Variants in TAF15 observed in about 807,000 individuals in gnomAD.
TAF15 encodes the protein TATA-box binding protein associated factor 15, also known as TATA-binding protein-associated factor 2N.
Under a neutral mutation model 102.5 loss-of-function variants are expected in TAF15, and 37 were observed. That is an observed-to-expected ratio of 0.36 (90% CI 0.28 to 0.47). The LOEUF (loss-of-function observed/expected upper bound fraction) is 0.47. Among genes scored for constraint, TAF15 ranks in the 20% least tolerant of loss-of-function variants. TAF15 has a pLI of 0.99. For missense variants in TAF15, 652 were observed against 760.7 expected, an observed-to-expected ratio of 0.86 and a Z score of 1.68; for synonymous variants, 273 against 259.2, an observed-to-expected ratio of 1.05 and a Z score of -0.51.
chr17:35,812,739 A>G (rs1444559768), intron 1 of TAF15, among the ~76,000 whole-genome samples: 1 of 152,186 alleles, frequency 6.6e-6, no homozygotes, highest in East Asian at 1.9e-4. Flanking sequence ...ATGAGAGTCA[A>G]TGACAAATAG....
At chr17:35,814,711 G>T (rs1465456899) in intron 1 of TAF15, among the ~76,000 whole-genome samples, 1 of 151,812 alleles carries the variant, frequency 6.6e-6, no homozygotes, top group Non-Finnish European at 1.5e-5. Flanking sequence ...AAACTAGCCG[G>T]GCAAGGTGGT....
intron 15 of TAF15, among the ~76,000 whole-genome samples, chr17:35,846,082 A>G (rs2087620315): frequency 6.6e-6 from 1 of 152,250 alleles, no homozygotes. Context: ...AATGATAGAA[A>G]GTAACTTCAA....
At chr17:35,824,331 A>T (rs2087300241) in intron 7 of TAF15, 133 bp downstream of exon 7, 9 of 1,179,838 alleles carry the variant, frequency 7.6e-6, no homozygotes, top group African/African-American at 1.6e-5. Context: ...TATATTGGAG[A>T]AAAAGGCAGA....
chr17:35,814,269 C>T (rs1391456548), intron 1 of TAF15, among the ~76,000 whole-genome samples: 1 of 151,814 alleles, frequency 6.6e-6, no homozygotes, highest in Non-Finnish European at 1.5e-5. Context: ...GGGTTCACGC[C>T]ATTCTCCTGC....
chr17:35,839,138 G>A (rs1427661168), intron 11 of TAF15, among the ~76,000 whole-genome samples: 1 of 149,578 alleles, frequency 6.7e-6, no homozygotes, highest in African/African-American at 2.5e-5. Flanking sequence ...TAAATAACCT[G>A]GACGTGGTGG....
intron 10 of TAF15, among the ~76,000 whole-genome samples, chr17:35,837,984 T>A (rs2143813266): frequency 6.6e-6 from 1 of 151,314 alleles, no homozygotes; most frequent in South Asian, 2.1e-4. Flanking sequence ...GGCCAAGGGT[T>A]TGAGACCAGC....
At chr17:35,836,301 G>C in intron 10 of TAF15, 60 bp downstream of exon 10, 2 of 1,230,828 alleles carry the variant, frequency 1.6e-6, no homozygotes, top group Admixed American at 1.7e-5. Context: ...ACAATACATA[G>C]ACTATGTAGT....
intron 7 of TAF15, chr17:35,833,691 T>C (rs2087434964): frequency 8.8e-6 from 5 of 565,106 alleles, no homozygotes; most frequent in South Asian, 8.7e-5. Context: ...AGATATGTAA[T>C]AAGCTTGAAA....
At chr17:35,840,320 C>T (rs1374835493) in intron 11 of TAF15, among the ~76,000 whole-genome samples, 4 of 143,712 alleles carry the variant, frequency 2.8e-5, no homozygotes, top group African/African-American at 1.0e-4. Flanking sequence ...GGCGCAATCT[C>T]GGCTCACTTG....
intron 1 of TAF15, chr17:35,817,144 G>T (rs1396106151): frequency 1.3e-5 from 2 of 152,182 alleles, no homozygotes; most frequent in African/African-American, 4.9e-5. Context: ...CTACAAGCAG[G>T]TATTGCTGAC....
chr17:35,820,845 A>G (rs970893055), intron 5 of TAF15, among the ~76,000 whole-genome samples: 2 of 152,170 alleles, frequency 1.3e-5, no homozygotes, highest in African/African-American at 4.8e-5. Context: ...ACTTACGCAT[A>G]TATCAGATAC....
Position 35,847,122 on chromosome 17 carries a change from C to T in TAF15, c.*177C>T, listed in dbSNP as rs2087633189. 2.8e-6 allele frequency: 2 copies of T among 707,096 alleles called. No homozygotes were observed. The highest frequency in any genetic ancestry group is 4.8e-6 in the Non-Finnish European group (2 of 412,612). The allele number at this position is 707,096 out of a possible 1,614,324, so 43.8% of individuals were successfully genotyped here. On this transcript the variant is annotated 3_prime_UTR_variant, in exon 16 of 16. Coordinates refer to ENST00000605844, the MANE Select transcript of TAF15 (RefSeq NM_139215.3). ...TTCTAGAAATGTCTGTTGAGATTTC[C>T]CCCTTTAGTTTCCAACCTTCTCCCC...
chr17:35,826,065 A>G (rs2087321766), intron 7 of TAF15, among the ~76,000 whole-genome samples: 1 of 152,226 alleles, frequency 6.6e-6, no homozygotes, highest in Non-Finnish European at 1.5e-5. Flanking sequence ...GCAGTACCTT[A>G]ATCAACCCTG....
At chr17:35,823,951 T>G in intron 6 of TAF15, 127 bp from the exon 7 acceptor site, 4 of 1,136,724 alleles carry the variant, frequency 3.5e-6, no homozygotes, top group Non-Finnish European at 4.0e-6. Flanking sequence ...ATGACTTGCA[T>G]TTGAGTTGTG....
intron 12 of TAF15, 138 bp from the exon 13 acceptor site, chr17:35,843,939 A>T: frequency 1.2e-6 from 1 of 821,614 alleles, no homozygotes; most frequent in Non-Finnish European, 2.1e-6. Flanking sequence ...AAAGAATTAC[A>T]AAGTCCTGGT....
chr17:35,835,731 T>G (rs1458784945), intron 9 of TAF15, among the ~76,000 whole-genome samples: 1 of 152,262 alleles, frequency 6.6e-6, no homozygotes, highest in African/African-American at 2.4e-5. Context: ...AGTATCAGAT[T>G]TGGAGAATTT....
intron 1 of TAF15, among the ~76,000 whole-genome samples, chr17:35,812,399 C>T (rs1234642955): frequency 6.6e-6 from 1 of 151,696 alleles, no homozygotes; most frequent in Non-Finnish European, 1.5e-5. Flanking sequence ...GAGTTCGAGA[C>T]CAGCTTGACC....
At chr17:35,814,480 TAA>T (rs1171777698) in intron 1 of TAF15, among the ~76,000 whole-genome samples, 4 of 151,928 alleles carry the variant, frequency 2.6e-5, no homozygotes, top group Non-Finnish European at 2.9e-5. Context: ...TTTTTTTTTT[TAA>T]GTTATGTTAC....
intron 2 of TAF15, among the ~76,000 whole-genome samples, chr17:35,819,690 A>G (rs1471873679): frequency 1.3e-5 from 2 of 152,158 alleles, no homozygotes; most frequent in Admixed American, 1.3e-4. Context: ...ATTTATTATA[A>G]GTCTTGCTAT....
Sources: gnomAD v4.1 joint callset for allele counts (sites outside exome capture counted in the v4.1 genomes callset) on GRCh38, gnomAD v4.1.1 for gene constraint, MANE v1.5 for transcripts, NCBI Gene and HGNC (gene_info 2026-07-23, HGNC 2026-07-21) for gene names.